LTN1: variants seen among roughly 807,000 people sequenced by gnomAD.
LTN1 encodes listerin E3 ubiquitin protein ligase 1.
In LTN1, 88 loss-of-function variants were observed where a neutral mutation model predicts 201.2. The ratio of observed to expected loss-of-function variants is 0.44; its 90% CI spans 0.37 to 0.52. LTN1 has a LOEUF of 0.52. LTN1 is among the 20% of genes least tolerant of loss of function. The pLI is 0.00. For missense variants in LTN1, 1,752 were observed against 2,038.7 expected (o/e 0.86, Z 2.71); for synonymous variants, 645 against 713.5 (o/e 0.90, Z 1.53).
At chr21:28,988,157 C>CAAA (rs1555848864) in intron 1 of LTN1, among the ~76,000 whole-genome samples, 6 of 96,592 alleles carry the variant, frequency 6.2e-5, no homozygotes, top group Admixed American at 2.1e-4. Flanking sequence ...AAAAAAAAAA[C>CAAA]AACAAAAAAA....
At chr21:28,933,725 G>A in intron 27 of LTN1, among the ~76,000 whole-genome samples, 1 of 148,190 alleles carries the variant, frequency 6.7e-6, no homozygotes, top group Non-Finnish European at 1.5e-5. Flanking sequence ...TGCCCAGGCT[G>A]GAGTGCAATG....
rs967605892 is a variant in LTN1, at chr21:28,966,819, AAG to A, written c.1670_1671del (p.Ser557PhefsTer7). 3 of 1,612,420 alleles carry A rather than the reference AAG, an allele frequency of 1.9e-6. No individual in the cohort carries two copies. Among genetic ancestry groups the A allele is most frequent in the Non-Finnish European group, 2.5e-6 (3 of 1,179,560 alleles). On this transcript the variant is annotated frameshift_variant, in exon 10 of 30. Coordinates refer to ENST00000361371, the MANE Select transcript of LTN1 (RefSeq NM_015565.3). LOFTEE classifies it high-confidence loss of function. Reference protein sequence around the residue: ...ESNKENEKCVSSEGEKIEGWE... With the variant: ...ESNKENEKCVXSEGEKIEGWE... ...CAGCCTTCAATCTTCTCTCCTTCTG[AAG>A]ATACACATTTTTCATTCTCTTTATT...
chr21:28,967,107 C>G lies in LTN1; in HGVS notation c.1384G>C (p.Glu462Gln), dbSNP rs757079681. Reference sequence around the variant, plus strand: ...TTGGCTTCCCAGGAACTTAGAGTTTCTGCTAAATGGTTAAATAGCTGCCCA... The same window carrying G: ...TTGGCTTCCCAGGAACTTAGAGTTTGTGCTAAATGGTTAAATAGCTGCCCA... ...QHGQLFNHLA[E>Q]TLSSWEAKAD... Residue 462 changes from glutamate (E) to glutamine (Q), a missense_variant, in exon 10 of 30, where the codon GAA becomes CAA. Physicochemically the swap from Glu to Gln is conservative, Grantham distance 29 (BLOSUM62 2). Around this residue, in one of 3 missense-constraint regions of LTN1, gnomAD observed 1,211 missense variants for 1,312.8 expected, o/e 0.92. Coordinates refer to ENST00000361371, the MANE Select transcript of LTN1 (RefSeq NM_015565.3). The G allele has an allele frequency of 2.2e-5, 35 of 1,614,132 alleles. No individual in the cohort carries two copies. The highest frequency in any genetic ancestry group is 3.0e-5 in the Non-Finnish European group (35 of 1,180,014).
Position 28,944,453 on chromosome 21 carries a change from G to A in LTN1, c.3912C>T (p.Ile1304=), listed in dbSNP as rs140834215. ...DTIGNLPVNL[I]SEWKEFFSQG... ...GGGAAAAAAATTCTTTCCATTCACT[G>A]ATTAGATTTACAGGAAGATTGCCAA... Residue 1304 remains isoleucine, a synonymous_variant, in exon 22 of 30, where the codon ATC becomes ATT. Coordinates refer to ENST00000361371, the MANE Select transcript of LTN1 (RefSeq NM_015565.3). 3.1e-6 allele frequency: 5 copies of A among 1,614,012 alleles called. No homozygotes were observed. Among genetic ancestry groups the A allele is most frequent in the East Asian group, 4.5e-5 (2 of 44,866 alleles).
rs983386134 is a variant in LTN1 at position 28,928,302 on chromosome 21, A to G, written c.*2146T>C. On this transcript the variant is annotated 3_prime_UTR_variant, in exon 30 of 30. Transcript: ENST00000361371. Reference sequence around the variant, plus strand: ...TTTAATGGGCACATATGGTATAACAATCAAATAATAACATTAATTACTTGC... The same window carrying G: ...TTTAATGGGCACATATGGTATAACAGTCAAATAATAACATTAATTACTTGC... 1 of 152,660 alleles carries G rather than the reference A, an allele frequency of 6.6e-6. No homozygotes were observed. Among genetic ancestry groups the G allele is most frequent in the Non-Finnish European group, 1.5e-5 (1 of 68,040 alleles). The allele number at this position is 152,660 out of a possible 1,614,324, so 9.5% of individuals were successfully genotyped here. A position where few individuals can be genotyped will look rare whatever the true frequency, so the allele number is the denominator to read the frequency against.
At chr21:28,932,772 C>T in intron 27 of LTN1, 108 bp from the exon 28 acceptor site, 1 of 654,600 alleles carries the variant, frequency 1.5e-6, no homozygotes, top group Non-Finnish European at 2.6e-6. Flanking sequence ...AAGGACAGTG[C>T]AGGTAAATAC....
intron 1 of LTN1, among the ~76,000 whole-genome samples, chr21:28,991,283 T>G (rs982502031): frequency 9.0e-6 from 1 of 111,494 alleles, no homozygotes; most frequent in African/African-American, 3.6e-5. Flanking sequence ...AGAGCGACCC[T>G]GTCTTACAAA....
At position 28,932,605 on chromosome 21, in the gene LTN1, A is replaced by G. The variant is rs1249748368; in HGVS notation, c.4935T>C (p.Val1645=). The part of the protein sequence containing the change: ...VMATYTIEDI[V]IELIIQLPSN... ...AAGGCAGTTGTATTATAAGTTCAAT[A>G]ACTATGTCCTCAATAGTATAAGTAG... The change falls in exon 28 of 30, where the codon GTT becomes GTC. Residue 1645 remains valine (V), a synonymous_variant. Transcript: ENST00000361371. 1 of 1,613,756 alleles carries G rather than the reference A, an allele frequency of 6.2e-7. No individual in the cohort carries two copies. Among genetic ancestry groups the G allele is most frequent in the Non-Finnish European group, 8.5e-7 (1 of 1,179,688 alleles).
intron 6 of LTN1, 68 bp from the exon 7 acceptor site, chr21:28,971,512 A>T: frequency 7.0e-7 from 1 of 1,431,482 alleles, no homozygotes; most frequent in South Asian, 1.2e-5. Flanking sequence ...AATTTATGGT[A>T]ATAGTAGATT....
Position 28,944,593 on chromosome 21 carries a change from T to C in LTN1, c.3772A>G (p.Thr1258Ala). ...GAATACAATGCCTGATTCTCACTTG[T>C]TGTCTGAAAAAACAATAAAAATGAA... ...MCSMLAWLET[T>A]SENQALYSIP... Residue 1258 changes from threonine to alanine, a missense_variant, in exon 22 of 30, where the codon ACA becomes GCA. Thr to Ala is a moderately conservative substitution (Grantham distance 58). This residue lies in a region of LTN1 where 1,211 missense variants were observed against 1,312.8 expected (regional missense o/e 0.92). Transcript: ENST00000361371. 3 of 1,610,630 alleles carry C rather than the reference T, an allele frequency of 1.9e-6. No individual in the cohort carries two copies. Among genetic ancestry groups the C allele is most frequent in the South Asian group, 1.1e-5 (1 of 90,790 alleles).
chr21:28,942,865 AC>A (rs1262901208), intron 24 of LTN1, among the ~76,000 whole-genome samples: 1 of 152,212 alleles, frequency 6.6e-6, no homozygotes, highest in Admixed American at 6.5e-5. Flanking sequence ...ATTTTCCATA[AC>A]GCTACAGTAT....
chr21:28,944,573 C>T lies in LTN1; in HGVS notation c.3792G>A (p.Leu1264=), dbSNP rs2146268350. The stretch of plus-strand genomic sequence containing the variant: ...ACAGTTGCACAAGTGGAATAGAATA[C>T]AATGCCTGATTCTCACTTGTTGTCT... ...WLETTSENQA[L]YSIPLVQLFA... The change falls in exon 22 of 30, where the codon TTG becomes TTA. Residue 1264 remains leucine, a synonymous_variant. Coordinates refer to ENST00000361371, the MANE Select transcript of LTN1 (RefSeq NM_015565.3). The T allele has an allele frequency of 6.2e-7, 1 of 1,613,378 alleles. No homozygotes were observed. Among genetic ancestry groups the T allele is most frequent in the Non-Finnish European group, 8.5e-7 (1 of 1,179,566 alleles).
At chr21:28,941,443 A>T in intron 24 of LTN1, 37 bp from the exon 25 acceptor site, 1 of 1,454,904 alleles carries the variant, frequency 6.9e-7, no homozygotes, top group Non-Finnish European at 9.4e-7. Context: ...AGTTTTCTTT[A>T]TAATTCATTC....
chr21:28,974,626 G>A (rs768359875), intron 6 of LTN1, among the ~76,000 whole-genome samples: 65 of 152,276 alleles, frequency 4.3e-4, no homozygotes, highest in Non-Finnish European at 6.6e-4. Context: ...TCTGGCCAGA[G>A]GAACTAGAAG....
At chr21:28,943,930 G>A (rs1021474088) in intron 22 of LTN1, 26 bp from the exon 23 acceptor site, 16 of 1,411,116 alleles carry the variant, frequency 1.1e-5, no homozygotes, top group Non-Finnish European at 1.5e-5. Flanking sequence ...AAAGAAACAT[G>A]CACGTCTCAA....
At chr21:28,985,317 G>A (rs1314626715) in intron 3 of LTN1, among the ~76,000 whole-genome samples, 3 of 151,888 alleles carry the variant, frequency 2.0e-5, no homozygotes, top group South Asian at 2.1e-4. Context: ...AAAAATTAGC[G>A]GGGCATGGTG....
At chr21:28,971,615 G>A (rs1042318241) in intron 6 of LTN1, among the ~76,000 whole-genome samples, 171 bp from the exon 7 acceptor site, 2 of 152,076 alleles carry the variant, frequency 1.3e-5, no homozygotes, top group Non-Finnish European at 2.9e-5. Flanking sequence ...AAGGCATAAG[G>A]AATTACCAAG....
chr21:28,984,648 T>C lies in LTN1; in HGVS notation c.576+44A>G, dbSNP rs765143406. ...TGTCATTATGCTTATAACCCTTAAA[T>C]ACTTAAAAAAAAAAAATAGATTCAG... On this transcript the variant is annotated intron_variant, in intron 4 of 29. Transcript: ENST00000361371. 7.7e-6 allele frequency: 11 copies of C among 1,430,148 alleles called. No individual in the cohort carries two copies. The African/African-American group carries it at 1.0e-4, about 13-fold the overall frequency. 88.6% of individuals were successfully genotyped at this position (1,430,148 alleles called of 1,614,324 possible).
chr21:28,951,945 G>A (rs2084386121), intron 18 of LTN1, among the ~76,000 whole-genome samples: 1 of 152,090 alleles, frequency 6.6e-6, no homozygotes, highest in Admixed American at 6.6e-5. Context: ...ACTCCAGCCT[G>A]GGCAACAGAG....
Sources: allele counts gnomAD v4.1 joint callset (sites outside exome capture counted in the v4.1 genomes callset), GRCh38; gene constraint gnomAD v4.1.1; regional missense constraint gnomAD v4.1.1; transcripts MANE v1.5; gene names NCBI Gene and HGNC (gene_info 2026-07-23, HGNC 2026-07-21).